The following RAB6A variants were observed in gnomAD, a reference collection of about 807,000 sequenced individuals.
RAB6A encodes the protein RAB6A, member RAS oncogene family.
A neutral mutation model predicts 32.3 loss-of-function variants in RAB6A; 8 were observed. The ratio of observed to expected loss-of-function variants is 0.25; its 90% CI spans 0.15 to 0.45. The LOEUF is 0.45. Among genes scored for constraint, RAB6A ranks in the 20% least tolerant of loss-of-function variants. RAB6A has a pLI of 1.00. For missense variants in RAB6A, 104 were observed against 249.4 expected (o/e 0.42, Z 3.93); for synonymous variants, 73 against 82.1 (o/e 0.89, Z 0.60).
intron 6 of RAB6A, among the ~76,000 whole-genome samples, chr11:73,699,692 A>G (rs1166947020): frequency 1.3e-5 from 2 of 152,154 alleles, no homozygotes; most frequent in South Asian, 2.1e-4. Context: ...CAACAATATC[A>G]TAAGTTTCTT....
chr11:73,693,500 G>C (rs1945608867), intron 6 of RAB6A, among the ~76,000 whole-genome samples: 1 of 151,092 alleles, frequency 6.6e-6, no homozygotes, highest in Admixed American at 6.6e-5. Context: ...GAGGCGGGTG[G>C]ATCACTTGGA....
chr11:73,739,189 G>A (rs1378991818), intron 1 of RAB6A, among the ~76,000 whole-genome samples: 1 of 143,198 alleles, frequency 7.0e-6, no homozygotes, highest in East Asian at 2.1e-4. Flanking sequence ...AGGCTGCAGG[G>A]AGCCAAGATC....
chr11:73,690,555 C>CTT (rs60543922), intron 6 of RAB6A, among the ~76,000 whole-genome samples: 15,338 of 147,480 alleles, frequency 0.1, 861 homozygotes, highest in Admixed American at 0.12. Flanking sequence ...CCAGCTAATT[C>CTT]TTTTTTTTTT....
rs573959068 is a variant in RAB6A, at chr11:73,679,275, T to C, written c.562+379A>G. Among the ~76,000 whole-genome samples, 12 of 152,340 alleles carry C rather than the reference T, an allele frequency of 7.9e-5. No individual in the cohort carries two copies. The South Asian group carries it at 2.5e-3, about 32-fold the overall frequency. On this transcript the variant is annotated intron_variant, in intron 7 of 7. Transcript: ENST00000336083. The stretch of plus-strand genomic sequence containing the variant: ...GAGGCTACAATAAAGCTCCACTCTA[T>C]TTCTTGCCTGTGTCAAGTAGAAAGC...
At position 73,747,695 on chromosome 11, in the gene RAB6A, CCTCTGATATGTGAG is replaced by C. The variant is rs1266391852; in HGVS notation, c.70+12857_70+12870del. 2.0e-5 allele frequency among the ~76,000 whole-genome samples: 3 copies of C among 152,250 alleles called. No homozygotes were observed. The East Asian group carries it at 5.8e-4, about 29-fold the overall frequency. On this transcript the variant is annotated intron_variant, in intron 1 of 7. Coordinates refer to ENST00000336083, the MANE Select transcript of RAB6A (RefSeq NM_198896.2). ...TTTAGCTGTCATGTCTCCTTGGTCT[CCTCTGATATGTGAG>C]ATTTTCCCCATTTTCCCTTGTTTTC...
intron 1 of RAB6A, among the ~76,000 whole-genome samples, chr11:73,755,494 T>C (rs1466610813): frequency 6.6e-6 from 1 of 152,102 alleles, no homozygotes; most frequent in Non-Finnish European, 1.5e-5. Context: ...GGTTTCGCCA[T>C]GTTGCCCAGG....
intron 6 of RAB6A, among the ~76,000 whole-genome samples, chr11:73,683,466 C>T (rs974838362): frequency 7.9e-5 from 12 of 151,582 alleles, no homozygotes; most frequent in African/African-American, 2.9e-4. Context: ...CCATGTTACC[C>T]AGGGTGGTCT....
At chr11:73,691,811 G>A (rs966232584) in intron 6 of RAB6A, among the ~76,000 whole-genome samples, 2 of 151,794 alleles carry the variant, frequency 1.3e-5, no homozygotes, top group African/African-American at 4.8e-5. Context: ...AAATACACAC[G>A]CACACAAAAA....
At chr11:73,685,592 G>GTCTTTTTTTTTTTTTTTTTTTTTTTT (rs1555054185) in intron 6 of RAB6A, among the ~76,000 whole-genome samples, 6 of 145,152 alleles carry the variant, frequency 4.1e-5, no homozygotes, top group East Asian at 2.1e-4. Flanking sequence ...CGGACTGAAA[G>GTCTTTTTTTTTTTTTTTTTTTTTTTT]TAGCGACCAG....
At chr11:73,740,626 C>T (rs1946478962) in intron 1 of RAB6A, among the ~76,000 whole-genome samples, 2 of 151,842 alleles carry the variant, frequency 1.3e-5, no homozygotes, top group Non-Finnish European at 1.5e-5. Flanking sequence ...CAGCGGCTCA[C>T]GCCGGTAATC....
Position 73,675,757 on chromosome 11 carries a change from CCAAT to C in RAB6A, c.*2137_*2140del, listed in dbSNP as rs1199660053. 1 of 162,734 alleles carries C rather than the reference CCAAT, an allele frequency of 6.1e-6. No homozygotes were observed. The highest frequency in any genetic ancestry group is 1.5e-5 in the Non-Finnish European group (1 of 67,898). 10.1% of individuals were successfully genotyped at this position (162,734 alleles called of 1,614,324 possible). A position where few individuals can be genotyped will look rare whatever the true frequency, so the allele number is the denominator to read the frequency against. ...AAGAACTCCAAGCCAAATAAAAAGA[CCAAT>C]CAATATTAAAAGCAGTATAACTGGT... On this transcript the variant is annotated 3_prime_UTR_variant, in exon 8 of 8. Transcript: ENST00000336083.
chr11:73,739,006 GC>G (rs1946446126), intron 1 of RAB6A, among the ~76,000 whole-genome samples: 1 of 151,066 alleles, frequency 6.6e-6, no homozygotes, highest in African/African-American at 2.4e-5. Flanking sequence ...AGTGGCTCAT[GC>G]CTGTAATCCC....
intron 7 of RAB6A, 108 bp from the exon 8 acceptor site, chr11:73,678,070 C>A (rs1945294573): frequency 3.6e-6 from 4 of 1,123,768 alleles, no homozygotes; most frequent in African/African-American, 3.1e-5. Context: ...TCAGAGCCTA[C>A]ACACTCACTA....
At chr11:73,678,786 C>T (rs1385807050) in intron 7 of RAB6A, among the ~76,000 whole-genome samples, 6 of 150,184 alleles carry the variant, frequency 4.0e-5, no homozygotes, top group South Asian at 2.1e-4. Flanking sequence ...AGTGCAATGG[C>T]GTGATCTCGG....
intron 5 of RAB6A, among the ~76,000 whole-genome samples, chr11:73,708,115 A>G (rs1162169578): frequency 6.6e-6 from 1 of 152,160 alleles, no homozygotes; most frequent in Non-Finnish European, 1.5e-5. Context: ...TTGTTGCCCT[A>G]AATATCTGTG....
chr11:73,687,355 C>T (rs1234896095), intron 6 of RAB6A, among the ~76,000 whole-genome samples: 1 of 152,110 alleles, frequency 6.6e-6, no homozygotes, highest in Non-Finnish European at 1.5e-5. Context: ...CCTATTTTGT[C>T]TACGGAAAAT....
chr11:73,743,195 C>T (rs1223391612), intron 1 of RAB6A, among the ~76,000 whole-genome samples: 1 of 151,548 alleles, frequency 6.6e-6, no homozygotes, highest in East Asian at 1.9e-4. Flanking sequence ...ATCCCAGCTA[C>T]TCCAGAGGCT....
At chr11:73,722,331 ATATATATATATAT>A (rs1395735804) in intron 2 of RAB6A, 2 of 46,674 alleles carry the variant, frequency 4.3e-5, no homozygotes, top group Non-Finnish European at 8.1e-5. Flanking sequence ...ATATATATAT[ATATATATATATAT>A]TTTTTTTTTT....
intron 5 of RAB6A, among the ~76,000 whole-genome samples, chr11:73,714,209 A>AAAAAAATAT (rs35864471): frequency 1.1e-3 from 66 of 57,538 alleles, no homozygotes; most frequent in Non-Finnish European, 1.9e-3. Context: ...AAAAAAAAAA[A>AAAAAAATAT]ATATATATAT....
Sources: allele counts gnomAD v4.1 joint callset (sites outside exome capture counted in the v4.1 genomes callset), GRCh38; gene constraint gnomAD v4.1.1; transcripts MANE v1.5; gene names NCBI Gene and HGNC (gene_info 2026-07-23, HGNC 2026-07-21).